The following EBF1 variants were observed in gnomAD, a reference collection of about 807,000 sequenced individuals.
EBF1 encodes the protein transcription factor COE1.
Under a neutral mutation model 68.4 loss-of-function variants are expected in EBF1, and 10 were observed. The ratio of observed to expected loss-of-function variants is 0.15; its 90% CI spans 0.09 to 0.25. EBF1 has a LOEUF of 0.25. Among genes scored for constraint, EBF1 ranks in the 10% least tolerant of loss-of-function variants. The probability of loss-of-function intolerance (pLI) is 1.00; values close to 1 mark genes in which losing one functional copy is unlikely to be tolerated. For synonymous variants in EBF1, 298 were observed against 299.8 expected (o/e 0.99, Z 0.06); for missense variants, 509 against 794.4 (o/e 0.64, Z 4.32).
chr5:158,819,660 T>A (rs1425703611), intron 8 of EBF1, among the ~76,000 whole-genome samples: 1 of 152,146 alleles, frequency 6.6e-6, no homozygotes, highest in East Asian at 1.9e-4. Context: ...GCCACTCAGC[T>A]CCTTTCATCC....
At chr5:159,056,581 C>T (rs981060073) in intron 6 of EBF1, among the ~76,000 whole-genome samples, 6 of 152,146 alleles carry the variant, frequency 3.9e-5, no homozygotes, top group East Asian at 3.8e-4. Flanking sequence ...CAAACCTCTT[C>T]GGGCTTAGGC....
chr5:158,966,445 A>G lies in EBF1; in HGVS notation c.554+106951T>C, dbSNP rs149112720. Among the ~76,000 whole-genome samples the G allele has an allele frequency of 7.7e-3, 1,175 of 152,280 alleles. 9 individuals are homozygous for G. The highest frequency in any genetic ancestry group is 0.034 in the Middle Eastern group (10 of 294). ...CTATGCCTTCATTTCCCCTCTCTAC[A>G]AAAGCAGCATTACAGTCAAATCTCA... is the stretch of plus-strand genomic sequence containing the variant. On this transcript the variant is annotated intron_variant, in intron 6 of 15. Transcript: ENST00000313708.
intron 15 of EBF1, among the ~76,000 whole-genome samples, chr5:158,700,579 G>A (rs997691935): frequency 2.7e-5 from 4 of 150,534 alleles, no homozygotes; most frequent in Non-Finnish European, 4.4e-5. Flanking sequence ...GGCCACCCTG[G>A]GCTCTTAGCC....
Position 159,073,419 on chromosome 5 carries a change from G to C in EBF1, c.531C>G (p.Pro177=). ...KKSCGNRNET[P]SDPVIIDRFF... The stretch of plus-strand genomic sequence containing the variant: ...ACCTGTCAATTATCACTGGATCTGA[G>C]GGAGTCTCATTTCGGTTGCCACAGC... Residue 177 remains proline, a synonymous_variant, in exon 6 of 16, where the codon CCC becomes CCG. Transcript: ENST00000313708. The C allele has an allele frequency of 6.2e-7, 1 of 1,614,130 alleles. No individual in the cohort carries two copies. Among genetic ancestry groups the C allele is most frequent in the Non-Finnish European group, 8.5e-7 (1 of 1,179,964 alleles).
rs138497779 is a variant in EBF1, at chr5:158,733,062, T to C, written c.1037-1905A>G. ...GAATTCTTTTTTCAAATTAGACTTGTAGAGAAAATGCCATAGAATTCTTTA... is the reference window on the plus strand; with the variant it reads ...GAATTCTTTTTTCAAATTAGACTTGCAGAGAAAATGCCATAGAATTCTTTA... On this transcript the variant is annotated intron_variant, in intron 10 of 15. Coordinates refer to ENST00000313708, the MANE Select transcript of EBF1 (RefSeq NM_024007.5). Among the ~76,000 whole-genome samples the C allele has an allele frequency of 4.5e-3, 692 of 152,254 alleles. 9 individuals carry two copies. The highest frequency in any genetic ancestry group is 0.016 in the African/African-American group (653 of 41,542).
At chr5:159,096,296 AG>A in intron 3 of EBF1, 46 bp downstream of exon 3, 1 of 1,588,200 alleles carries the variant, frequency 6.3e-7, no homozygotes, top group Non-Finnish European at 8.6e-7. Flanking sequence ...CCCCCTGCCC[AG>A]ACCCGGAGCC....
chr5:158,749,020 G>C (rs2127587346), intron 10 of EBF1, among the ~76,000 whole-genome samples: 1 of 152,244 alleles, frequency 6.6e-6, no homozygotes, highest in Non-Finnish European at 1.5e-5. Flanking sequence ...TGTCCCCAAG[G>C]CAATCTTGTC....
At chr5:158,708,322 C>G in intron 14 of EBF1, 149 bp from the exon 15 acceptor site, 1 of 746,034 alleles carries the variant, frequency 1.3e-6, no homozygotes. Flanking sequence ...CGCAGGCTCT[C>G]ATCCACTTTC....
At chr5:158,731,333 T>C (rs1360856722) in intron 10 of EBF1, among the ~76,000 whole-genome samples, 176 bp from the exon 11 acceptor site, 1 of 152,236 alleles carries the variant, frequency 6.6e-6, no homozygotes, top group Middle Eastern at 3.2e-3. Flanking sequence ...CCATCTGCTT[T>C]ATACCACGGT....
intron 4 of EBF1, among the ~76,000 whole-genome samples, chr5:159,092,382 C>T (rs1781805249): frequency 6.6e-6 from 1 of 152,156 alleles, no homozygotes; most frequent in Non-Finnish European, 1.5e-5. Flanking sequence ...GTGTGCTTTA[C>T]AATGAAGGCA....
intron 6 of EBF1, among the ~76,000 whole-genome samples, chr5:159,039,225 A>G (rs1447191585): frequency 6.6e-6 from 1 of 152,226 alleles, no homozygotes; most frequent in Non-Finnish European, 1.5e-5. Flanking sequence ...GTCCGTCAGA[A>G]AAGAAAATCT....
chr5:158,905,838 G>C (rs528930038), intron 6 of EBF1, among the ~76,000 whole-genome samples: 2 of 152,132 alleles, frequency 1.3e-5, no homozygotes, highest in African/African-American at 4.8e-5. Context: ...AAGAAAATAG[G>C]GGACCTGTAA....
At chr5:158,792,220 ATTTAC>A (rs1208359832) in intron 9 of EBF1, among the ~76,000 whole-genome samples, 1 of 152,238 alleles carries the variant, frequency 6.6e-6, no homozygotes, top group Non-Finnish European at 1.5e-5. Flanking sequence ...GAGTAAAATA[ATTTAC>A]TTTCTAAAAA....
chr5:158,790,108 G>T (rs1418125749), intron 9 of EBF1, among the ~76,000 whole-genome samples: 1 of 152,156 alleles, frequency 6.6e-6, no homozygotes, highest in Non-Finnish European at 1.5e-5. Context: ...CATGCATCTG[G>T]ATAAAGACAA....
rs562058330 is a variant in EBF1 at position 158,888,819 on chromosome 5, C to A, written c.555-48709G>T. On this transcript the variant is annotated intron_variant, in intron 6 of 15. Transcript: ENST00000313708. ...CAGGAACACTCACCACCATCTCCAT[C>A]TATTAACCTAGGGTTCTCTTCCTCC... 3.9e-5 allele frequency among the ~76,000 whole-genome samples: 6 copies of A among 152,270 alleles called. No homozygotes were observed. In the South Asian group the frequency reaches 1.2e-3, roughly 32 times the overall value.
intron 6 of EBF1, among the ~76,000 whole-genome samples, chr5:159,023,797 T>A (rs763835949): frequency 6.6e-6 from 1 of 152,158 alleles, no homozygotes; most frequent in Non-Finnish European, 1.5e-5. Flanking sequence ...TGGCATGATA[T>A]ATGACAAAGA....
At chr5:159,027,199 A>G (rs959653971) in intron 6 of EBF1, among the ~76,000 whole-genome samples, 1 of 152,060 alleles carries the variant, frequency 6.6e-6, no homozygotes, top group Non-Finnish European at 1.5e-5. Context: ...CCCATTCCTG[A>G]TGTTGTAGAC....
chr5:158,916,263 C>A (rs1190529809), intron 6 of EBF1, among the ~76,000 whole-genome samples: 1 of 152,104 alleles, frequency 6.6e-6, no homozygotes, highest in African/African-American at 2.4e-5. Flanking sequence ...ATCTCAAGAT[C>A]ATTAAGTAAT....
At chr5:158,821,843 A>C (rs1413336113) in intron 8 of EBF1, among the ~76,000 whole-genome samples, 1 of 152,210 alleles carries the variant, frequency 6.6e-6, no homozygotes, top group Admixed American at 6.5e-5. Context: ...AACCATAAAG[A>C]AGCAGCTTTT....
Sources: allele counts gnomAD v4.1 joint callset (sites outside exome capture counted in the v4.1 genomes callset), GRCh38; gene constraint gnomAD v4.1.1; transcripts MANE v1.5; gene names NCBI Gene and HGNC (gene_info 2026-07-23, HGNC 2026-07-21).